The following MYRFL variants were observed in gnomAD, a reference collection of about 807,000 sequenced individuals.
MYRFL encodes the protein myelin regulatory factor like.
A neutral mutation model predicts 109.4 loss-of-function variants in MYRFL; 88 were observed. The ratio of observed to expected loss-of-function variants is 0.80; its 90% CI spans 0.68 to 0.96. MYRFL has a LOEUF of 0.96. Ranked by LOEUF, MYRFL falls within the 40% of genes least tolerant of loss-of-function variation. The pLI, the probability that MYRFL is intolerant of heterozygous loss-of-function variation, is 0.00. For missense variants in MYRFL, 957 were observed against 954.9 expected, an observed-to-expected ratio of 1.00 and a Z score of -0.03; for synonymous variants, 324 against 320.9, an observed-to-expected ratio of 1.01 and a Z score of -0.10.
chr12:69,884,752 G>C (rs1886340962), intron 5 of MYRFL, among the ~76,000 whole-genome samples: 1 of 152,340 alleles, frequency 6.6e-6, no homozygotes, highest in Admixed American at 6.5e-5. Context: ...TAATGACAGT[G>C]CCACTAGTAA....
intron 7 of MYRFL, among the ~76,000 whole-genome samples, chr12:69,892,191 C>CCA (rs1401420460): frequency 2.0e-5 from 3 of 152,014 alleles, no homozygotes; most frequent in Non-Finnish European, 1.5e-5. Flanking sequence ...AGCCAAGGAG[C>CCA]CACTAATTTA....
rs984438990 is a variant in MYRFL, at chr12:69,861,582, T to C, written c.137+6212T>C. Reference sequence around the variant, plus strand: ...TGTCTGTTCGTGTCCTTTGCCCACTTTTTGATGGGGTTGTTTGTTTTTTTC... The same window carrying C: ...TGTCTGTTCGTGTCCTTTGCCCACTCTTTGATGGGGTTGTTTGTTTTTTTC... On this transcript the variant is annotated intron_variant, in intron 2 of 24. Coordinates refer to ENST00000552032, the MANE Select transcript of MYRFL (RefSeq NM_182530.3). 3.2e-4 allele frequency among the ~76,000 whole-genome samples: 49 copies of C among 152,202 alleles called. 3 individuals carry two copies. Among genetic ancestry groups the C allele is most frequent in the Non-Finnish European group, 5.9e-5 (4 of 68,044 alleles).
Position 69,860,960 on chromosome 12 carries a change from A to C in MYRFL, c.137+5590A>C, listed in dbSNP as rs1470055679. ...CCCCTTCCTGTGTCCATGTGTTCTC[A>C]TTGTTCAGTTCCCACCTATGAGCGA... On this transcript the variant is annotated intron_variant, in intron 2 of 24. Coordinates refer to ENST00000552032, the MANE Select transcript of MYRFL (RefSeq NM_182530.3). Among the ~76,000 whole-genome samples the C allele has an allele frequency of 3.6e-5, 5 of 138,884 alleles. No individual in the cohort carries two copies. In the South Asian group the frequency reaches 1.2e-3, roughly 33 times the overall value. The allele number at this position is 138,884 out of a possible 152,430, so 91.1% of individuals were successfully genotyped here.
chr12:69,906,655 G>A (rs551794373), intron 11 of MYRFL, among the ~76,000 whole-genome samples: 1 of 152,306 alleles, frequency 6.6e-6, no homozygotes, highest in Admixed American at 6.5e-5. Flanking sequence ...GACAAAAGTA[G>A]ACATGAAAAA....
chr12:69,921,057 A>C (rs1954896742), intron 13 of MYRFL, among the ~76,000 whole-genome samples: 1 of 152,172 alleles, frequency 6.6e-6, no homozygotes, highest in Non-Finnish European at 1.5e-5. Flanking sequence ...GTTTCAGCTG[A>C]GGTAGTGGAC....
chr12:69,864,181 A>G lies in MYRFL; in HGVS notation c.137+8811A>G, dbSNP rs183124181. ...TGCTCAAATTCGAATCTGTAAATGTATAGTTTTGACCACATCTGGGAAATT... is the reference window on the plus strand; with the variant it reads ...TGCTCAAATTCGAATCTGTAAATGTGTAGTTTTGACCACATCTGGGAAATT... On this transcript the variant is annotated intron_variant, in intron 2 of 24. Coordinates refer to ENST00000552032, the MANE Select transcript of MYRFL (RefSeq NM_182530.3). 3.8e-3 allele frequency among the ~76,000 whole-genome samples: 573 copies of G among 152,276 alleles called. 2 individuals are homozygous for G. The highest frequency in any genetic ancestry group is 6.0e-3 in the Non-Finnish European group (411 of 68,016).
At chr12:69,931,891 T>A (rs969234814) in intron 15 of MYRFL, among the ~76,000 whole-genome samples, 1 of 152,202 alleles carries the variant, frequency 6.6e-6, no homozygotes, top group Non-Finnish European at 1.5e-5. Flanking sequence ...AATTTACTGA[T>A]TTTCATGTCT....
chr12:69,924,114 G>A (rs1239818), intron 13 of MYRFL, among the ~76,000 whole-genome samples: 41,438 of 150,154 alleles, frequency 0.28, 6,042 homozygotes, highest in Non-Finnish European at 0.33. Flanking sequence ...GTGTGAACCC[G>A]GGAGGCAGAG....
intron 2 of MYRFL, among the ~76,000 whole-genome samples, chr12:69,858,659 C>A (rs879433617): frequency 6.6e-6 from 1 of 151,706 alleles, no homozygotes; most frequent in Non-Finnish European, 1.5e-5. Flanking sequence ...TTTTATTAAC[C>A]TTTTAATCTC....
At chr12:69,892,954 C>T (rs1315399039) in intron 7 of MYRFL, among the ~76,000 whole-genome samples, 1 of 152,100 alleles carries the variant, frequency 6.6e-6, no homozygotes, top group African/African-American at 2.4e-5. Context: ...AAATATTGTT[C>T]ACAAAGATAA....
At chr12:69,846,106 C>G in intron 1 of MYRFL, among the ~76,000 whole-genome samples, 1 of 61,726 alleles carries the variant, frequency 1.6e-5, no homozygotes, top group Middle Eastern at 0.016. Context: ...TATTGACTAT[C>G]TTTTTTTTTT....
chr12:69,923,721 A>G (rs927809079), intron 13 of MYRFL, among the ~76,000 whole-genome samples: 1 of 151,632 alleles, frequency 6.6e-6, no homozygotes, highest in African/African-American at 2.4e-5. Flanking sequence ...TTTAGGCTCT[A>G]TCTCTCTGGG....
intron 11 of MYRFL, 93 bp downstream of exon 11, chr12:69,903,937 T>TC (rs1954276390): frequency 1.4e-5 from 16 of 1,125,926 alleles, no homozygotes; most frequent in Non-Finnish European, 2.0e-5. Flanking sequence ...GAACCGCACA[T>TC]CTTTACATGT....
intron 1 of MYRFL, among the ~76,000 whole-genome samples, chr12:69,841,074 G>C (rs1883216531): frequency 6.6e-6 from 1 of 152,058 alleles, no homozygotes; most frequent in Non-Finnish European, 1.5e-5. Context: ...ATTCTTCTTG[G>C]GTCAGTGTAA....
chr12:69,930,715 G>A (rs1372741626), intron 15 of MYRFL, among the ~76,000 whole-genome samples: 2 of 151,742 alleles, frequency 1.3e-5, no homozygotes, highest in East Asian at 3.9e-4. Flanking sequence ...GGGAGGCTGA[G>A]GTGGGAGGAT....
chr12:69,848,450 CA>C (rs1265061160), intron 1 of MYRFL, among the ~76,000 whole-genome samples: 1 of 151,944 alleles, frequency 6.6e-6, no homozygotes, highest in African/African-American at 2.4e-5. Context: ...TTCATTCTAT[CA>C]GAATTTTAGA....
chr12:69,910,849 C>A lies in MYRFL; in HGVS notation c.1521C>A (p.Ile507=). The A allele has an allele frequency of 6.5e-7, 1 of 1,535,210 alleles. No individual in the cohort carries two copies. The highest frequency in any genetic ancestry group is 1.2e-5 in the South Asian group (1 of 84,024). Reference sequence around the variant, plus strand: ...TGATTGCCCAGGAGGTGCAAGAAATCCTGCCCAGAGCAGTAAGAGAGGTTG... The same window carrying A: ...TGATTGCCCAGGAGGTGCAAGAAATACTGCCCAGAGCAGTAAGAGAGGTTG... ...TGMIAQEVQE[I]LPRAVREVGD... Residue 507 remains isoleucine (I), a synonymous_variant, in exon 13 of 25, where the codon ATC becomes ATA. Coordinates refer to ENST00000552032, the MANE Select transcript of MYRFL (RefSeq NM_182530.3).
chr12:69,958,141 C>T lies in MYRFL; in HGVS notation c.2572-108C>T, dbSNP rs970537848. The T allele has an allele frequency of 5.0e-6, 6 of 1,203,986 alleles. No individual in the cohort carries two copies. In the African/African-American group the frequency reaches 7.6e-5, roughly 15 times the overall value. 74.6% of individuals were successfully genotyped at this position (1,203,986 alleles called of 1,614,324 possible). On this transcript the variant is annotated intron_variant, in intron 23 of 24. Coordinates refer to ENST00000552032, the MANE Select transcript of MYRFL (RefSeq NM_182530.3). ...GCAACACCCATCAAAAGCTGTGATC[C>T]CAATACTTCTCCTACAGTCATTGAG...
chr12:69,899,927 G>A (rs1954125956), intron 10 of MYRFL, among the ~76,000 whole-genome samples: 1 of 152,226 alleles, frequency 6.6e-6, no homozygotes, highest in Non-Finnish European at 1.5e-5. Flanking sequence ...GCATTTCCCA[G>A]TGGAGTTCCT....
Sources: allele counts gnomAD v4.1 joint callset (sites outside exome capture counted in the v4.1 genomes callset), GRCh38; gene constraint gnomAD v4.1.1; transcripts MANE v1.5; gene names NCBI Gene and HGNC (gene_info 2026-07-23, HGNC 2026-07-21).